The following CALCR variants were observed in gnomAD, a reference collection of about 807,000 sequenced individuals.
The protein encoded by CALCR is calcitonin receptor.
In CALCR, 47 loss-of-function variants were observed where a neutral mutation model predicts 59.5. That is an observed-to-expected ratio of 0.79 (90% CI 0.63 to 1.01). CALCR has a LOEUF of 1.01. Among genes scored for constraint, CALCR ranks in the 50% least tolerant of loss-of-function variants. CALCR has a pLI of 0.00. For missense variants in CALCR, 566 were observed against 597.1 expected, an observed-to-expected ratio of 0.95 and a Z score of 0.54; for synonymous variants, 213 against 211.3, an observed-to-expected ratio of 1.01 and a Z score of -0.07.
intron 7 of CALCR, among the ~76,000 whole-genome samples, chr7:93,465,434 A>G (rs1800419597): frequency 6.6e-6 from 1 of 151,872 alleles, no homozygotes; most frequent in Non-Finnish European, 1.5e-5. Context: ...TTTATATTTA[A>G]TCCCTTTCCA....
intron 2 of CALCR, among the ~76,000 whole-genome samples, chr7:93,487,729 G>A (rs886096308): frequency 3.3e-5 from 5 of 151,418 alleles, no homozygotes. Context: ...TCATCAGTGG[G>A]AGTTGTGTGA....
chr7:93,508,733 T>A (rs1047286565), intron 2 of CALCR, among the ~76,000 whole-genome samples: 2 of 152,108 alleles, frequency 1.3e-5, no homozygotes, highest in Admixed American at 1.3e-4. Flanking sequence ...GTAAGGCTTT[T>A]ACTTTCATTA....
rs567267881 is a variant in CALCR, at chr7:93,470,620, TG to T, written c.429+1754del. On this transcript the variant is annotated intron_variant, in intron 6 of 13. Transcript: ENST00000426151. ...TTAAATCAACAACTCATAATTTAGT[TG>T]CCATCCTTGTGTCATTCTCAAGGTT... Among the ~76,000 whole-genome samples, 32 of 151,864 alleles carry T rather than the reference TG, an allele frequency of 2.1e-4. 1 individual carries two copies. In the South Asian group the frequency reaches 6.6e-3, roughly 31 times the overall value.
chr7:93,567,971 G>T (rs562541495), intron 2 of CALCR, among the ~76,000 whole-genome samples: 1 of 152,206 alleles, frequency 6.6e-6, no homozygotes, highest in Non-Finnish European at 1.5e-5. Context: ...GAGGGCAGGG[G>T]CTTATAAACT....
Position 93,426,050 on chromosome 7 carries a change from A to T in CALCR, c.*306T>A, listed in dbSNP as rs1562922069. On this transcript the variant is annotated 3_prime_UTR_variant, in exon 14 of 14. Transcript: ENST00000426151. Reference sequence around the variant, plus strand: ...TCAGTATTGACAAGGAGCACCCTGTATCTGAACTAGGTCAATTTCATTGTT... The same window carrying T: ...TCAGTATTGACAAGGAGCACCCTGTTTCTGAACTAGGTCAATTTCATTGTT... 4.0e-6 allele frequency: 1 copy of T among 247,032 alleles called. No individual in the cohort carries two copies. The highest frequency in any genetic ancestry group is 7.6e-6 in the Non-Finnish European group (1 of 130,836). The allele number at this position is 247,032 out of a possible 1,614,324, so 15.3% of individuals were successfully genotyped here.
At chr7:93,519,713 T>C (rs927498793) in intron 2 of CALCR, among the ~76,000 whole-genome samples, 1 of 152,026 alleles carries the variant, frequency 6.6e-6, no homozygotes, top group African/African-American at 2.4e-5. Context: ...GGGAGAGACC[T>C]GGTGGGAGGT....
intron 2 of CALCR, among the ~76,000 whole-genome samples, chr7:93,565,958 G>T (rs979684373): frequency 6.6e-6 from 1 of 152,068 alleles, no homozygotes; most frequent in East Asian, 1.9e-4. Context: ...TTTAAATTTG[G>T]CAGCAGTACA....
chr7:93,452,043 A>C (rs1202993771), intron 8 of CALCR, among the ~76,000 whole-genome samples: 1 of 151,992 alleles, frequency 6.6e-6, no homozygotes, highest in African/African-American at 2.4e-5. Context: ...AGAGGAAGGT[A>C]TGTGTTGAAA....
chr7:93,469,165 C>A (rs1377073340), intron 6 of CALCR, among the ~76,000 whole-genome samples: 2 of 151,728 alleles, frequency 1.3e-5, no homozygotes, highest in Non-Finnish European at 2.9e-5. Flanking sequence ...TAATTCTATA[C>A]CACAGAACTG....
rs146755415 is a variant in CALCR, at chr7:93,512,341, G to A, written c.-26-25334C>T. 9.2e-5 allele frequency among the ~76,000 whole-genome samples: 14 copies of A among 152,206 alleles called. No homozygotes were observed. The East Asian group carries it at 2.1e-3, about 23-fold the overall frequency. On this transcript the variant is annotated intron_variant, in intron 2 of 13. Transcript: ENST00000426151. ...GTGCATCCCAGAGAGATTAAGAGACGTGCCCATGGTCTTTCATTTAGCAAG... is the reference window on the plus strand; with the variant it reads ...GTGCATCCCAGAGAGATTAAGAGACATGCCCATGGTCTTTCATTTAGCAAG...
intron 2 of CALCR, among the ~76,000 whole-genome samples, chr7:93,569,117 T>G (rs981549760): frequency 9.9e-5 from 15 of 152,104 alleles, no homozygotes; most frequent in African/African-American, 3.4e-4. Flanking sequence ...AGGCCCTAAT[T>G]GATTCTTCCC....
At chr7:93,479,327 T>C (rs768195773) in intron 4 of CALCR, 27 bp downstream of exon 4, 2 of 1,569,872 alleles carry the variant, frequency 1.3e-6, no homozygotes, top group Non-Finnish European at 1.7e-6. Flanking sequence ...GTTTCAAACA[T>C]ATGTTCATAT....
In CALCR at chr7:93,443,762, C is replaced by A; in HGVS notation, c.649-5G>T. On this transcript the variant is annotated splice_polypyrimidine_tract_variant and splice_region_variant and intron_variant, in intron 8 of 13. Coordinates refer to ENST00000426151, the MANE Select transcript of CALCR (RefSeq NM_001742.4). ...ATGCAAAATCTTGCAGCTCACCTGT[C>A]AGAAAGAAAGGAAGATACTCAGAGA... The A allele has an allele frequency of 6.2e-7, 1 of 1,611,328 alleles. No individual in the cohort carries two copies. Among genetic ancestry groups the A allele is most frequent in the South Asian group, 1.1e-5 (1 of 90,860 alleles).
chr7:93,441,205 T>C (rs1420715560), intron 9 of CALCR, among the ~76,000 whole-genome samples: 1 of 152,152 alleles, frequency 6.6e-6, no homozygotes, highest in African/African-American at 2.4e-5. Flanking sequence ...TTTTTTCCCA[T>C]GAAAAATTTT....
At chr7:93,569,330 C>T (rs1203785991) in intron 2 of CALCR, among the ~76,000 whole-genome samples, 1 of 152,138 alleles carries the variant, frequency 6.6e-6, no homozygotes, top group East Asian at 1.9e-4. Flanking sequence ...GGCATGCAAG[C>T]TTCTTTGTGT....
chr7:93,515,666 A>G (rs992828064), intron 2 of CALCR, among the ~76,000 whole-genome samples: 9 of 152,000 alleles, frequency 5.9e-5, no homozygotes, highest in Non-Finnish European at 8.8e-5. Context: ...TTTGGATCTT[A>G]TAATTGCTGT....
rs73223647 is a variant in CALCR, at chr7:93,547,497, A to T, written c.-27+26792T>A. Among the ~76,000 whole-genome samples the T allele has an allele frequency of 8.7e-3, 1,330 of 152,302 alleles. 10 individuals are homozygous for T. Among genetic ancestry groups the T allele is most frequent in the Non-Finnish European group, 0.014 (973 of 68,026 alleles). On this transcript the variant is annotated intron_variant, in intron 2 of 13. Transcript: ENST00000426151. ...ATAATTTTTGTAGGTGGCTTTGTCCATGAAAACCACATTTGTACTAATACT... is the reference window on the plus strand; with the variant it reads ...ATAATTTTTGTAGGTGGCTTTGTCCTTGAAAACCACATTTGTACTAATACT...
Position 93,494,010 on chromosome 7 carries a change from A to G in CALCR, c.-26-7003T>C, listed in dbSNP as rs1190230144. Among the ~76,000 whole-genome samples, 5 of 151,432 alleles carry G rather than the reference A, an allele frequency of 3.3e-5. No homozygotes were observed. The Admixed American group carries it at 3.3e-4, about 10-fold the overall frequency. ...TCATAGACATACATTAAATTCCTAA[A>G]GGTGACTGCTCATGATTGTCCTGTA... On this transcript the variant is annotated intron_variant, in intron 2 of 13. Transcript: ENST00000426151.
In CALCR at chr7:93,509,140, T is replaced by C. The variant is rs1344394702; in HGVS notation, c.-26-22133A>G. On this transcript the variant is annotated intron_variant, in intron 2 of 13. Transcript: ENST00000426151. Reference sequence around the variant, plus strand: ...GCTCAGGTAAAAGCATGGTGCCATATTGGCTCAGGTAAAAGCATGGCAGAG... The same window carrying C: ...GCTCAGGTAAAAGCATGGTGCCATACTGGCTCAGGTAAAAGCATGGCAGAG... 2.6e-5 allele frequency among the ~76,000 whole-genome samples: 4 copies of C among 152,090 alleles called. No homozygotes were observed. The East Asian group carries it at 7.7e-4, about 29-fold the overall frequency.
Sources: allele counts gnomAD v4.1 joint callset (sites outside exome capture counted in the v4.1 genomes callset), GRCh38; gene constraint gnomAD v4.1.1; transcripts MANE v1.5; gene names NCBI Gene and HGNC (gene_info 2026-07-23, HGNC 2026-07-21).